ZBTB40: variants seen among roughly 807,000 people sequenced by gnomAD.
The protein encoded by ZBTB40 is zinc finger and BTB domain containing 40.
In ZBTB40, 60 loss-of-function variants were observed where a neutral mutation model predicts 117.5. The observed-to-expected ratio is 0.51, with a 90% CI of 0.41 to 0.63. ZBTB40 has a LOEUF of 0.63. Among genes scored for constraint, ZBTB40 ranks in the 30% least tolerant of loss-of-function variants. The pLI is 0.00. For synonymous variants in ZBTB40, 525 were observed against 577.1 expected (o/e 0.91, Z 1.29); for missense variants, 1,287 against 1,498.5 (o/e 0.86, Z 2.33).
intron 1 of ZBTB40, among the ~76,000 whole-genome samples, chr1:22,429,347 C>G (rs1463460167): frequency 6.6e-6 from 1 of 151,922 alleles, no homozygotes; most frequent in Non-Finnish European, 1.5e-5. Context: ...CGCCGTTGCA[C>G]TCCAGCCTGG....
intron 16 of ZBTB40, among the ~76,000 whole-genome samples, chr1:22,523,217 C>T (rs1639588555): frequency 6.6e-6 from 1 of 152,032 alleles, no homozygotes; most frequent in Non-Finnish European, 1.5e-5. Context: ...TCCCAAAGTG[C>T]TGGGATTACA....
chr1:22,458,335 G>A (rs1199405095), intron 1 of ZBTB40, among the ~76,000 whole-genome samples: 1 of 152,184 alleles, frequency 6.6e-6, no homozygotes, highest in Non-Finnish European at 1.5e-5. Context: ...AACTGTGGCT[G>A]TGCCTGTCTC....
At chr1:22,515,061 G>C (rs1639339988) in intron 12 of ZBTB40, among the ~76,000 whole-genome samples, 1 of 152,172 alleles carries the variant, frequency 6.6e-6, no homozygotes. Flanking sequence ...ACAGGGCTTG[G>C]GGGACACTAT....
upstream of ZBTB40, among the ~76,000 whole-genome samples, chr1:22,446,882 C>T (rs1394135317): frequency 6.6e-6 from 1 of 151,884 alleles, no homozygotes; most frequent in Non-Finnish European, 1.5e-5. Context: ...GCAAGCAGAC[C>T]CCTTGAGTTC....
chr1:22,453,329 A>G (rs1020683628), intron 1 of ZBTB40, among the ~76,000 whole-genome samples: 1 of 152,194 alleles, frequency 6.6e-6, no homozygotes, highest in African/African-American at 2.4e-5. Context: ...AGAACACCCC[A>G]TGCATGTACG....
At chr1:22,459,421 C>G (rs1404882771) in intron 1 of ZBTB40, among the ~76,000 whole-genome samples, 1 of 152,146 alleles carries the variant, frequency 6.6e-6, no homozygotes, top group Non-Finnish European at 1.5e-5. Flanking sequence ...TATCTTTATC[C>G]CAATGGCCAG....
chr1:22,455,804 G>A (rs1480904947), intron 1 of ZBTB40, among the ~76,000 whole-genome samples: 1 of 151,980 alleles, frequency 6.6e-6, no homozygotes, highest in African/African-American at 2.4e-5. Context: ...ACACTCACCT[G>A]CTTTTGGAGA....
chr1:22,447,560 A>G (rs1640804081), upstream of ZBTB40, among the ~76,000 whole-genome samples: 1 of 152,216 alleles, frequency 6.6e-6, no homozygotes, highest in Admixed American at 6.5e-5. Context: ...TGGATCAGGT[A>G]AATATGACGG....
Position 22,512,987 on chromosome 1 carries a change from G to A in ZBTB40, c.2525G>A (p.Gly842Glu). The change falls in exon 12 of 18, where the codon GGG becomes GAG. Residue 842 changes from glycine (G) to glutamate (E), a missense_variant. By Grantham distance (98) the Gly-to-Glu change is moderately conservative (BLOSUM62 -2). This residue lies in a region of ZBTB40 where 417 missense variants were observed against 564.1 expected (regional missense o/e 0.74). Coordinates refer to ENST00000375647, the MANE Select transcript of ZBTB40 (RefSeq NM_014870.4). ...AAGCCTTTCTCCTGTGAAGAGTGTG[G>A]GGCGAAGTTTGCAGCCAATTCCACC... is the stretch of plus-strand genomic sequence containing the variant. ...DEKPFSCEEC[G>E]AKFAANSTLK... is the part of the protein sequence containing the mutation. 1.2e-6 allele frequency: 2 copies of A among 1,614,162 alleles called. No homozygotes were observed. Among genetic ancestry groups the A allele is most frequent in the Non-Finnish European group, 1.7e-6 (2 of 1,180,030 alleles).
At chr1:22,434,378 C>T (rs1289294845) in intron 1 of ZBTB40, among the ~76,000 whole-genome samples, 1 of 152,092 alleles carries the variant, frequency 6.6e-6, no homozygotes, top group Non-Finnish European at 1.5e-5. Context: ...ATATGAGTTT[C>T]AAATGTATTT....
In ZBTB40 at chr1:22,513,237, G is replaced by A; in HGVS notation, c.2668+107G>A. On this transcript the variant is annotated intron_variant, in intron 12 of 17. Transcript: ENST00000375647. The surrounding 1 kb of genome is among the most constrained non-coding windows in gnomAD (Gnocchi z 4.9). ...ATCTCAAAAACAAAACAATTTGATA[G>A]CACAACAGGGTGACTAAAGTCAATA... 1 of 1,212,040 alleles carries A rather than the reference G, an allele frequency of 8.3e-7. No individual in the cohort carries two copies. The highest frequency in any genetic ancestry group is 1.2e-6 in the Non-Finnish European group (1 of 848,368). 75.1% of individuals were successfully genotyped at this position (1,212,040 alleles called of 1,614,324 possible).
chr1:22,433,848 A>C (rs1391598788), intron 1 of ZBTB40, among the ~76,000 whole-genome samples: 1 of 151,892 alleles, frequency 6.6e-6, no homozygotes, highest in Non-Finnish European at 1.5e-5. Flanking sequence ...CATTATATGG[A>C]TGTATCACAA....
upstream of ZBTB40, among the ~76,000 whole-genome samples, chr1:22,447,792 A>G (rs970409616): frequency 1.3e-5 from 2 of 152,168 alleles, no homozygotes; most frequent in African/African-American, 2.4e-5. Context: ...CATTTGGCAA[A>G]TTCCAACAGC....
At chr1:22,501,801 G>A (rs973620676) in intron 4 of ZBTB40, 117 bp downstream of exon 4, 1 of 1,153,594 alleles carries the variant, frequency 8.7e-7, no homozygotes, top group African/African-American at 1.5e-5. Flanking sequence ...TTTCACATAA[G>A]TTTCACATGT....
chr1:22,441,145 C>G (rs1640726914), intron 1 of ZBTB40, among the ~76,000 whole-genome samples: 1 of 152,106 alleles, frequency 6.6e-6, no homozygotes, highest in African/African-American at 2.4e-5. Context: ...ATTACTGATT[C>G]AATCGCCTTA....
chr1:22,461,303 G>A (rs1641125904), intron 1 of ZBTB40, among the ~76,000 whole-genome samples: 1 of 147,322 alleles, frequency 6.8e-6, no homozygotes, highest in African/African-American at 2.5e-5. Context: ...CAAGACAGCA[G>A]AATAATTGGC....
chr1:22,468,357 C>T (rs542132115), intron 1 of ZBTB40, among the ~76,000 whole-genome samples: 14 of 150,258 alleles, frequency 9.3e-5, no homozygotes, highest in South Asian at 2.1e-4. Context: ...TTTTGATTTG[C>T]GTTTCTTTAA....
chr1:22,462,241 A>C (rs984488068), intron 1 of ZBTB40, among the ~76,000 whole-genome samples: 2 of 152,212 alleles, frequency 1.3e-5, no homozygotes, highest in African/African-American at 4.8e-5. Flanking sequence ...CAGTGGTCAA[A>C]GTTTCGGCTC....
chr1:22,452,050 G>C (rs1369695984), intron 1 of ZBTB40, 46 bp downstream of exon 1: 1 of 152,654 alleles, frequency 6.6e-6, no homozygotes, highest in East Asian at 1.9e-4. Context: ...GACCCTTCCT[G>C]CAGCGGGGGC....
Sources: gnomAD v4.1 joint callset for allele counts (sites outside exome capture counted in the v4.1 genomes callset) on GRCh38, gnomAD v4.1.1 for gene constraint, gnomAD v4.1.1 regional missense constraint, Gnocchi (gnomAD v3.1) non-coding constraint, MANE v1.5 for transcripts, NCBI Gene and HGNC (gene_info 2026-07-23, HGNC 2026-07-21) for gene names.